DPP10: variants seen among roughly 807,000 people sequenced by gnomAD.
DPP10 encodes inactive dipeptidyl peptidase 10.
In DPP10, 33 loss-of-function variants were observed where a neutral mutation model predicts 120.9. The ratio of observed to expected loss-of-function variants is 0.27; its 90% confidence interval spans 0.21 to 0.37. DPP10 has a LOEUF of 0.37. Ranked by LOEUF, DPP10 falls within the 10% of genes least tolerant of loss-of-function variation. The pLI is 1.00. For missense variants in DPP10, 816 were observed against 942.8 expected (o/e 0.87, Z 1.76); for synonymous variants, 337 against 326.1 (o/e 1.03, Z -0.36).
intron 1 of DPP10, among the ~76,000 whole-genome samples, chr2:114,907,278 C>G (rs1333005322): frequency 2.0e-5 from 3 of 151,762 alleles, no homozygotes; most frequent in Non-Finnish European, 4.4e-5. Flanking sequence ...TTGACTTTCT[C>G]TATTGTTTTT....
chr2:114,835,054 A>G (rs34595221), intron 1 of DPP10: 2 of 148,402 alleles, frequency 1.3e-5, no homozygotes, highest in African/African-American at 5.2e-5. Context: ...CCATATCTAC[A>G]CACCTATGTA....
chr2:115,161,809 CCCCT>C, intron 1 of DPP10: 1 of 746,236 alleles, frequency 1.3e-6, no homozygotes, highest in Non-Finnish European at 1.9e-6. Flanking sequence ...CGCTCTTCTT[CCCCT>C]CCCCGCCCCT....
intron 1 of DPP10, among the ~76,000 whole-genome samples, chr2:115,148,454 G>A (rs1308671615): frequency 6.6e-6 from 1 of 152,106 alleles, no homozygotes; most frequent in Non-Finnish European, 1.5e-5. Flanking sequence ...AATAAACAGT[G>A]TCTGCATTCT....
chr2:115,031,055 A>G (rs1312661920), intron 1 of DPP10, among the ~76,000 whole-genome samples: 1 of 152,212 alleles, frequency 6.6e-6, no homozygotes, highest in Non-Finnish European at 1.5e-5. Flanking sequence ...TTTTGCACAA[A>G]GAATTTGACA....
At chr2:115,691,543 C>A (rs1370041786) in intron 7 of DPP10, among the ~76,000 whole-genome samples, 1 of 152,084 alleles carries the variant, frequency 6.6e-6, no homozygotes, top group Admixed American at 6.6e-5. Context: ...TCTTCCGGCT[C>A]TTTTTTTCTT....
At chr2:115,629,084 C>T (rs977779914) in intron 5 of DPP10, among the ~76,000 whole-genome samples, 10 of 151,964 alleles carry the variant, frequency 6.6e-5, no homozygotes, top group Non-Finnish European at 1.2e-4. Flanking sequence ...TCTGTACTTG[C>T]GATAGTTTGC....
intron 3 of DPP10, among the ~76,000 whole-genome samples, chr2:115,487,177 T>G (rs2075827571): frequency 6.7e-6 from 1 of 148,272 alleles, no homozygotes; most frequent in African/African-American, 2.5e-5. Flanking sequence ...ACAAGGGATG[T>G]GAAGGACCTC....
intron 11 of DPP10, among the ~76,000 whole-genome samples, chr2:115,759,145 G>T (rs915581874): frequency 2.6e-5 from 4 of 151,884 alleles, no homozygotes; most frequent in African/African-American, 4.8e-5. Context: ...TGCCAAATGG[G>T]TATCAGACAA....
chr2:115,194,328 A>C (rs2105250110), intron 1 of DPP10, among the ~76,000 whole-genome samples: 1 of 152,068 alleles, frequency 6.6e-6, no homozygotes, highest in South Asian at 2.1e-4. Context: ...AGGTTCAAGC[A>C]ATTCTCCTGC....
chr2:114,580,254 T>A (rs1190963983), intron 1 of DPP10, among the ~76,000 whole-genome samples: 1 of 152,208 alleles, frequency 6.6e-6, no homozygotes, highest in Non-Finnish European at 1.5e-5. Flanking sequence ...TTGGTTTGAC[T>A]GATTAATTGT....
At chr2:114,507,140 T>G (rs550270805) in intron 1 of DPP10, among the ~76,000 whole-genome samples, 1 of 151,182 alleles carries the variant, frequency 6.6e-6, no homozygotes, top group South Asian at 2.1e-4. Flanking sequence ...CTCCACCTCC[T>G]GGGCTCAAGT....
chr2:115,277,123 A>T (rs1235889290), intron 1 of DPP10, among the ~76,000 whole-genome samples: 1 of 152,198 alleles, frequency 6.6e-6, no homozygotes, highest in Non-Finnish European at 1.5e-5. Flanking sequence ...AAAAATCAAG[A>T]TGTACATTAT....
chr2:114,529,483 T>C (rs1685778284), intron 1 of DPP10, among the ~76,000 whole-genome samples: 2 of 152,160 alleles, frequency 1.3e-5, no homozygotes, highest in Admixed American at 6.5e-5. Flanking sequence ...CTGACTCCTG[T>C]CTGCTTCTCC....
At chr2:115,318,440 CT>C (rs2061904033) in intron 2 of DPP10, among the ~76,000 whole-genome samples, 1 of 151,968 alleles carries the variant, frequency 6.6e-6, no homozygotes, top group African/African-American at 2.4e-5. Flanking sequence ...TGAGAATTAG[CT>C]TTTTTATTTC....
intron 5 of DPP10, among the ~76,000 whole-genome samples, chr2:115,593,753 A>G (rs1201957845): frequency 6.6e-6 from 1 of 152,192 alleles, no homozygotes; most frequent in Non-Finnish European, 1.5e-5. Flanking sequence ...TTTTTTACCA[A>G]AGACAAATCA....
intron 1 of DPP10, among the ~76,000 whole-genome samples, chr2:115,215,883 G>A (rs1206081923): frequency 6.6e-6 from 1 of 152,084 alleles, no homozygotes; most frequent in East Asian, 1.9e-4. Flanking sequence ...ATTCACAATA[G>A]CAAATATATG....
rs151308983 is a variant in DPP10, at chr2:114,677,825, T to A, written c.60+234987T>A. ...AAAGAAAACATGTTTAATCTGATGA[T>A]CACTGCAATAACTCTAGCCTGATTG... On this transcript the variant is annotated intron_variant, in intron 1 of 25. Coordinates refer to ENST00000410059, the MANE Select transcript of DPP10 (RefSeq NM_020868.6). 4.9e-4 allele frequency among the ~76,000 whole-genome samples: 75 copies of A among 152,274 alleles called. 1 individual carries two copies. In the East Asian group the frequency reaches 0.014, roughly 28 times the overall value.
At chr2:115,005,623 G>A (rs1476841288) in intron 1 of DPP10, among the ~76,000 whole-genome samples, 1 of 152,128 alleles carries the variant, frequency 6.6e-6, no homozygotes, top group East Asian at 1.9e-4. Context: ...ATCAGTAATG[G>A]AAGATGAAAT....
chr2:114,885,349 G>T (rs1319589669), intron 1 of DPP10, among the ~76,000 whole-genome samples: 1 of 152,068 alleles, frequency 6.6e-6, no homozygotes, highest in Non-Finnish European at 1.5e-5. Flanking sequence ...AGGGGATAAT[G>T]CTAAACCATT....
Sources: gnomAD v4.1 joint callset for allele counts (sites outside exome capture counted in the v4.1 genomes callset) on GRCh38, gnomAD v4.1.1 for gene constraint, MANE v1.5 for transcripts, NCBI Gene and HGNC (gene_info 2026-07-23, HGNC 2026-07-21) for gene names.